FOXP2: variants seen among roughly 807,000 people sequenced by gnomAD.
The protein encoded by FOXP2 is forkhead box P2.
A neutral mutation model predicts 115.8 loss-of-function variants in FOXP2; 12 were observed. The ratio of observed to expected loss-of-function variants is 0.10; its 90% confidence interval spans 0.07 to 0.17. FOXP2 has a LOEUF of 0.17. FOXP2 is among the 10% of genes least tolerant of loss of function. The probability of loss-of-function intolerance (pLI) is 1.00; values close to 1 mark genes in which losing one functional copy is unlikely to be tolerated. For synonymous variants in FOXP2, 328 were observed against 297.7 expected (o/e 1.10, Z -1.05); for missense variants, 629 against 843.5 (o/e 0.75, Z 3.15).
intron 2 of FOXP2, among the ~76,000 whole-genome samples, chr7:114,337,199 T>A (rs1365825302): frequency 6.6e-6 from 1 of 151,384 alleles, no homozygotes; most frequent in African/African-American, 2.4e-5. Flanking sequence ...CAAGAGAGGG[T>A]GACCTTTTTT....
chr7:114,377,654 G>A (rs938276407), intron 2 of FOXP2, among the ~76,000 whole-genome samples: 3 of 152,168 alleles, frequency 2.0e-5, no homozygotes, highest in Non-Finnish European at 2.9e-5. Context: ...GGTTTCTGGC[G>A]AAGGATGGGA....
At chr7:114,595,750 C>G (rs1802662427) in intron 3 of FOXP2, among the ~76,000 whole-genome samples, 1 of 151,874 alleles carries the variant, frequency 6.6e-6, no homozygotes, top group Non-Finnish European at 1.5e-5. Flanking sequence ...GATCAACAAC[C>G]TAATCATTAT....
intron 2 of FOXP2, among the ~76,000 whole-genome samples, chr7:114,334,528 T>C (rs1797793589): frequency 6.6e-6 from 1 of 151,790 alleles, no homozygotes; most frequent in Admixed American, 6.6e-5. Context: ...TGTTGAAATT[T>C]AAAGAAATAA....
chr7:114,541,966 T>C (rs1799685479), intron 3 of FOXP2, among the ~76,000 whole-genome samples: 1 of 151,998 alleles, frequency 6.6e-6, no homozygotes, highest in African/African-American at 2.4e-5. Flanking sequence ...TTATACAAGC[T>C]AAATTGAATG....
chr7:114,393,185 A>T (rs1792649085), intron 2 of FOXP2, among the ~76,000 whole-genome samples: 1 of 152,124 alleles, frequency 6.6e-6, no homozygotes, highest in Admixed American at 6.6e-5. Context: ...CATGCTCCCT[A>T]AGCCAAAGTA....
chr7:114,594,199 C>G (rs1370561125), intron 3 of FOXP2, among the ~76,000 whole-genome samples: 1 of 151,876 alleles, frequency 6.6e-6, no homozygotes, highest in Non-Finnish European at 1.5e-5. Context: ...CTACATAATT[C>G]CTTCATACAA....
At chr7:114,176,298 T>TTCTTTCTCTCTCTCTCTCTCTCTCTC (rs368923204) in intron 1 of FOXP2, among the ~76,000 whole-genome samples, 54 of 76,556 alleles carry the variant, frequency 7.1e-4, no homozygotes, top group African/African-American at 2.1e-3. Context: ...CTTTCTTTCT[T>TTCTTTCTCTCTCTCTCTCTCTCTCTC]TCTCTCTCTC....
At chr7:114,163,193 A>G (rs1792886697) in intron 1 of FOXP2, 1 of 152,114 alleles carries the variant, frequency 6.6e-6, no homozygotes. Context: ...TTTTTCCTCT[A>G]CAAAATATGC....
In FOXP2 at chr7:114,631,417, T is replaced by C. The variant is rs1804914107; in HGVS notation, c.598-111T>C. The C allele has an allele frequency of 2.0e-6, 3 of 1,530,062 alleles. No individual in the cohort carries two copies. The South Asian group carries it at 3.6e-5, about 18-fold the overall frequency. The allele number at this position is 1,530,062 out of a possible 1,614,324, so 94.8% of individuals were successfully genotyped here. A position where few individuals can be genotyped will look rare whatever the true frequency, so the allele number is the denominator to read the frequency against. On this transcript the variant is annotated intron_variant, in intron 5 of 16. Transcript: ENST00000350908. ...CTGCCCCTGAACTTTGACTATGGGA[T>C]GACCAAAAAACCCACTCAGGCAATG... is the stretch of plus-strand genomic sequence containing the variant.
At chr7:114,304,669 C>CAAAAAAAAAA (rs71157580) in intron 2 of FOXP2, among the ~76,000 whole-genome samples, 2 of 65,116 alleles carry the variant, frequency 3.1e-5, no homozygotes, top group Non-Finnish European at 5.3e-5. Flanking sequence ...GACTCTGTCT[C>CAAAAAAAAAA]AAAAAAAAAA....
chr7:114,381,493 AAC>A (rs1249152609), intron 2 of FOXP2, among the ~76,000 whole-genome samples: 1 of 152,214 alleles, frequency 6.6e-6, no homozygotes, highest in African/African-American at 2.4e-5. Flanking sequence ...CTTGGGGTAA[AAC>A]AGTCCAGGTG....
chr7:114,202,671 G>T (rs756662084), intron 1 of FOXP2, among the ~76,000 whole-genome samples: 1 of 152,046 alleles, frequency 6.6e-6, no homozygotes, highest in Non-Finnish European at 1.5e-5. Context: ...GACAGAAGTG[G>T]GTTTAAATCA....
intron 1 of FOXP2, among the ~76,000 whole-genome samples, chr7:114,245,924 C>T (rs1336465900): frequency 6.6e-6 from 1 of 151,856 alleles, no homozygotes; most frequent in Non-Finnish European, 1.5e-5. Flanking sequence ...AAGAAATTGT[C>T]AAAATTAGTC....
chr7:114,090,333 AT>A (rs1205146902), intron 1 of FOXP2, among the ~76,000 whole-genome samples: 1 of 151,816 alleles, frequency 6.6e-6, no homozygotes, highest in South Asian at 2.1e-4. Flanking sequence ...CATTCAAGCT[AT>A]TTTTTTCTTG....
At chr7:114,642,806 A>ATTTT (rs1563054553) in intron 7 of FOXP2, among the ~76,000 whole-genome samples, 183 bp downstream of exon 7, 10 of 43,106 alleles carry the variant, frequency 2.3e-4, no homozygotes, top group Non-Finnish European at 4.8e-4. Flanking sequence ...ATATATATAT[A>ATTTT]TATATATTTT....
chr7:114,218,560 A>G (rs1794540593), intron 1 of FOXP2, among the ~76,000 whole-genome samples: 1 of 152,208 alleles, frequency 6.6e-6, no homozygotes, highest in South Asian at 2.1e-4. Flanking sequence ...AAAGACAGAA[A>G]GCTCATCAAG....
At chr7:114,342,637 A>T (rs896979310) in intron 2 of FOXP2, among the ~76,000 whole-genome samples, 14 of 151,432 alleles carry the variant, frequency 9.2e-5, no homozygotes, top group African/African-American at 3.4e-4. Context: ...GGTGAATCTC[A>T]AAAGTGTATT....
At chr7:114,399,318 G>C (rs1386306593) in intron 2 of FOXP2, among the ~76,000 whole-genome samples, 2 of 151,984 alleles carry the variant, frequency 1.3e-5, no homozygotes, top group East Asian at 1.9e-4. Flanking sequence ...ATGTTGGCCA[G>C]GCTGGTCTGG....
At chr7:114,128,422 C>CT (rs775767541) in intron 1 of FOXP2, among the ~76,000 whole-genome samples, 1,794 of 135,640 alleles carry the variant, frequency 0.013, 21 homozygotes, top group African/African-American at 0.032. Flanking sequence ...TTTTAAATTT[C>CT]TTTTTTTTTT....
Sources: allele counts gnomAD v4.1 joint callset (sites outside exome capture counted in the v4.1 genomes callset), GRCh38; gene constraint gnomAD v4.1.1; transcripts MANE v1.5; gene names NCBI Gene and HGNC (gene_info 2026-07-23, HGNC 2026-07-21).